The following GLI3 variants were observed in gnomAD, a reference collection of about 807,000 sequenced individuals.
GLI3 encodes the protein GLI family zinc finger 3.
In GLI3, 20 loss-of-function variants were observed where a neutral mutation model predicts 100.8. The ratio of observed to expected loss-of-function variants is 0.20; its 90% CI spans 0.14 to 0.29. The LOEUF (loss-of-function observed/expected upper bound fraction) is 0.29, where lower values mean the gene tolerates loss of function less well. GLI3 is among the 10% of genes least tolerant of loss of function. The pLI is 1.00. For synonymous variants in GLI3, 938 were observed against 860.5 expected (o/e 1.09, Z -1.58); for missense variants, 2,040 against 2,128.5 (o/e 0.96, Z 0.82).
chr7:42,005,779 C>T (rs1010735648), intron 10 of GLI3, among the ~76,000 whole-genome samples: 2 of 152,152 alleles, frequency 1.3e-5, no homozygotes, highest in Non-Finnish European at 2.9e-5. Context: ...ATTTCTCTTT[C>T]CTTGTTTTGT....
At chr7:42,030,699 T>G (rs932554014) in intron 7 of GLI3, among the ~76,000 whole-genome samples, 4 of 148,722 alleles carry the variant, frequency 2.7e-5, no homozygotes, top group Non-Finnish European at 4.4e-5. Context: ...TTGATTTGTT[T>G]TTTTTTTTTT....
At chr7:42,098,868 A>T (rs571899605) in intron 3 of GLI3, among the ~76,000 whole-genome samples, 2 of 152,232 alleles carry the variant, frequency 1.3e-5, no homozygotes, top group Admixed American at 1.3e-4. Context: ...TCACAACCCA[A>T]TTCCTATTTA....
chr7:42,242,243 A>C (rs376952588), upstream of GLI3, among the ~76,000 whole-genome samples: 1 of 152,136 alleles, frequency 6.6e-6, no homozygotes, highest in East Asian at 1.9e-4. Flanking sequence ...TGCACCAGTA[A>C]ATTTTGCATG....
In GLI3 at chr7:42,062,372, C is replaced by G. The variant is rs939099676; in HGVS notation, c.474-13676G>C. Among the ~76,000 whole-genome samples, 4 of 152,222 alleles carry G rather than the reference C, an allele frequency of 2.6e-5. No individual in the cohort carries two copies. The East Asian group carries it at 7.7e-4, about 29-fold the overall frequency. On this transcript the variant is annotated intron_variant, in intron 4 of 14. Transcript: ENST00000395925. ...GAGAACTCTTTTCTTTTTCCTTTCT[C>G]GAGAATAGCATCACAATCATTGCAG...
rs11324186 is a variant in GLI3, at chr7:42,042,013, C to CTT, written c.827-1776_827-1775dup. On this transcript the variant is annotated intron_variant, in intron 6 of 14. Transcript: ENST00000395925. ...ACAAAATAGCAATCCCAACGATTTC[C>CTT]TTTTTTTTTTTTTTTTTTTGAGATG... Among the ~76,000 whole-genome samples, 136 of 116,310 alleles carry CTT rather than the reference C, an allele frequency of 1.2e-3. 1 individual carries two copies. The highest frequency in any genetic ancestry group is 3.8e-3 in the Admixed American group (45 of 11,900). The allele number at this position is 116,310 out of a possible 152,430, so 76.3% of individuals were successfully genotyped here.
intron 3 of GLI3, among the ~76,000 whole-genome samples, chr7:42,094,661 G>A (rs1785298887): frequency 6.6e-6 from 1 of 151,994 alleles, no homozygotes. Context: ...TTGAATCTGG[G>A]AGGCAGAGGT....
intron 10 of GLI3, among the ~76,000 whole-genome samples, chr7:42,009,479 T>C (rs893840089): frequency 9.4e-6 from 1 of 106,122 alleles, no homozygotes; most frequent in Non-Finnish European, 1.8e-5. Flanking sequence ...AGCAAATTGT[T>C]CTTTTTTTTT....
intron 2 of GLI3, among the ~76,000 whole-genome samples, chr7:42,183,646 C>T (rs1324971442): frequency 1.3e-5 from 2 of 152,138 alleles, no homozygotes; most frequent in Non-Finnish European, 2.9e-5. Flanking sequence ...CCTACACCGC[C>T]GTCAAATAAA....
chr7:42,228,291 C>T (rs1481654551), intron 1 of GLI3, among the ~76,000 whole-genome samples: 1 of 152,084 alleles, frequency 6.6e-6, no homozygotes, highest in African/African-American at 2.4e-5. Context: ...AAGGGGTGCT[C>T]CCAGGCCCGG....
chr7:42,170,637 C>A (rs1430916698), intron 2 of GLI3, among the ~76,000 whole-genome samples: 2 of 151,886 alleles, frequency 1.3e-5, no homozygotes, highest in Non-Finnish European at 2.9e-5. Flanking sequence ...CTCCTGACCT[C>A]GTGATCCACC....
At chr7:42,046,388 A>G (rs1033113315) in intron 5 of GLI3, among the ~76,000 whole-genome samples, 1 of 152,220 alleles carries the variant, frequency 6.6e-6, no homozygotes, top group Non-Finnish European at 1.5e-5. Context: ...CCAGCACTCT[A>G]GTGATAGGTT....
At chr7:42,224,642 A>G (rs1051918564) in intron 1 of GLI3, among the ~76,000 whole-genome samples, 6 of 152,364 alleles carry the variant, frequency 3.9e-5, no homozygotes, top group African/African-American at 1.2e-4. Context: ...TTAAATTTAC[A>G]TATCAATTGT....
At chr7:42,084,422 G>T (rs1785059676) in intron 3 of GLI3, among the ~76,000 whole-genome samples, 1 of 152,214 alleles carries the variant, frequency 6.6e-6, no homozygotes, top group Non-Finnish European at 1.5e-5. Flanking sequence ...AAGTCTGCAT[G>T]TTTCTCCCTT....
At chr7:42,180,382 C>T (rs1477407460) in intron 2 of GLI3, among the ~76,000 whole-genome samples, 1 of 152,222 alleles carries the variant, frequency 6.6e-6, no homozygotes, top group Non-Finnish European at 1.5e-5. Flanking sequence ...AAACAGCGAG[C>T]TCCAATGGCC....
intron 4 of GLI3, among the ~76,000 whole-genome samples, chr7:42,057,214 T>C (rs1784481312): frequency 6.6e-6 from 1 of 152,228 alleles, no homozygotes; most frequent in Non-Finnish European, 1.5e-5. Context: ...CTTAGTATGA[T>C]AAGGTTTTTC....
In GLI3 at chr7:42,045,422, G is replaced by T. The variant is rs761232350; in HGVS notation, c.788C>A (p.Thr263Lys). Residue 263 changes from threonine (T) to lysine (K), a missense_variant, in exon 6 of 15, where the codon ACG (threonine) becomes AAG (lysine). This residue lies in a region of GLI3 where 603 missense variants were observed against 690.9 expected (regional missense o/e 0.87). Coordinates refer to ENST00000395925, the MANE Select transcript of GLI3 (RefSeq NM_000168.6). Reference sequence around the variant, plus strand: ...AAGATATTCCATGTGGATGGCCCCCGTGCCGGCGGTGGCAGCTGAGGGAAT... The same window carrying T: ...AAGATATTCCATGTGGATGGCCCCCTTGCCGGCGGTGGCAGCTGAGGGAAT... ...DIIPSAATAG[T>K]GAIHMEYLHA... 32 of 1,614,008 alleles carry T rather than the reference G, an allele frequency of 2.0e-5. No individual in the cohort carries two copies. Among genetic ancestry groups the T allele is most frequent in the Non-Finnish European group, 2.6e-5 (31 of 1,179,856 alleles).
At chr7:42,170,267 T>A (rs376890685) in intron 2 of GLI3, among the ~76,000 whole-genome samples, 3 of 25,746 alleles carry the variant, frequency 1.2e-4, no homozygotes, top group Non-Finnish European at 2.6e-4. Flanking sequence ...AAAAAAAAAT[T>A]ATATATATAT....
intron 10 of GLI3, among the ~76,000 whole-genome samples, chr7:42,014,765 G>C (rs1001565961): frequency 6.6e-6 from 1 of 152,106 alleles, no homozygotes; most frequent in South Asian, 2.1e-4. Flanking sequence ...ACCCTAGATC[G>C]GACATGCATG....
intron 3 of GLI3, among the ~76,000 whole-genome samples, chr7:42,078,261 T>C (rs1784922274): frequency 6.6e-6 from 1 of 152,228 alleles, no homozygotes; most frequent in Non-Finnish European, 1.5e-5. Flanking sequence ...CATTTCTCTA[T>C]TTTCCAAATT....
Sources: allele counts gnomAD v4.1 joint callset (sites outside exome capture counted in the v4.1 genomes callset), GRCh38; gene constraint gnomAD v4.1.1; regional missense constraint gnomAD v4.1.1; transcripts MANE v1.5; gene names NCBI Gene and HGNC (gene_info 2026-07-23, HGNC 2026-07-21).